Variants in PIGL observed in about 807,000 individuals in gnomAD.
PIGL encodes phosphatidylinositol glycan anchor biosynthesis class L, also known as N-acetylglucosaminyl-phosphatidylinositol de-N-acetylase.
Under a neutral mutation model 31.1 loss-of-function variants are expected in PIGL, and 22 were observed. The ratio of observed to expected loss-of-function variants is 0.71; its 90% CI spans 0.51 to 1.01. The LOEUF (loss-of-function observed/expected upper bound fraction) is 1.01, where lower values mean the gene tolerates loss of function less well. Among genes scored for constraint, PIGL ranks in the 50% least tolerant of loss-of-function variants. The pLI, the probability that PIGL is intolerant of heterozygous loss-of-function variation, is 0.00. For missense variants in PIGL, 302 were observed against 315.9 expected (o/e 0.96, Z 0.33); for synonymous variants, 131 against 117.4 (o/e 1.12, Z -0.75).
chr17:16,252,066 C>CTTTTT (rs66540057), intron 2 of PIGL, among the ~76,000 whole-genome samples: 4 of 123,816 alleles, frequency 3.2e-5, no homozygotes, highest in African/African-American at 1.3e-4. Context: ...TTTTTTTTTC[C>CTTTTT]TTTTTTTTTT....
intron 6 of PIGL, among the ~76,000 whole-genome samples, chr17:16,318,200 A>C (rs1489720094): frequency 6.6e-6 from 1 of 152,200 alleles, no homozygotes; most frequent in Non-Finnish European, 1.5e-5. Flanking sequence ...AGAAAATAAA[A>C]ATAAGAACAA....
rs2093126444 is a variant in PIGL at position 16,326,161 on chromosome 17, A to G, written c.*263A>G. On this transcript the variant is annotated 3_prime_UTR_variant, in exon 7 of 7. Transcript: ENST00000225609. Reference sequence around the variant, plus strand: ...GCTTCTCAAGTTCTTGTGAAAAACAATTTACATAATGACACAGTAGATGTG... The same window carrying G: ...GCTTCTCAAGTTCTTGTGAAAAACAGTTTACATAATGACACAGTAGATGTG... 1 of 445,458 alleles carries G rather than the reference A, an allele frequency of 2.2e-6. No homozygotes were observed. The highest frequency in any genetic ancestry group is 4.0e-6 in the Non-Finnish European group (1 of 249,676). The allele number at this position is 445,458 out of a possible 1,614,324, so 27.6% of individuals were successfully genotyped here.
At position 16,246,014 on chromosome 17, in the gene PIGL, G is replaced by A. The variant is rs551337177; in HGVS notation, c.335+11944G>A. Among the ~76,000 whole-genome samples the A allele has an allele frequency of 7.2e-3, 1,090 of 150,628 alleles. 13 individuals are homozygous for A. Among genetic ancestry groups the A allele is most frequent in the African/African-American group, 0.025 (1,049 of 41,158 alleles). The stretch of plus-strand genomic sequence containing the variant: ...TTATTTTTGTGTTTTTAGTAGAGAC[G>A]GGGTTTCACCATGTTAGCCAGGATG... On this transcript the variant is annotated intron_variant, in intron 2 of 6. Coordinates refer to ENST00000225609, the MANE Select transcript of PIGL (RefSeq NM_004278.4).
chr17:16,276,725 G>A (rs2092897436), intron 2 of PIGL, among the ~76,000 whole-genome samples: 1 of 152,184 alleles, frequency 6.6e-6, no homozygotes, highest in Non-Finnish European at 1.5e-5. Context: ...TGACAAGAGT[G>A]AGACTCCATC....
At chr17:16,320,930 T>C (rs180827168) in intron 6 of PIGL, among the ~76,000 whole-genome samples, 8,638 of 130,324 alleles carry the variant, frequency 0.066, 403 homozygotes, top group African/African-American at 0.14. Context: ...CCACTGTGCC[T>C]GGCCATTTTT....
chr17:16,233,060 G>T (rs995616699), intron 1 of PIGL, among the ~76,000 whole-genome samples: 3 of 151,570 alleles, frequency 2.0e-5, no homozygotes, highest in African/African-American at 7.3e-5. Context: ...GTTGCAGTGA[G>T]CCAAGATCGC....
At chr17:16,273,344 G>A (rs948108392) in intron 2 of PIGL, among the ~76,000 whole-genome samples, 1 of 152,212 alleles carries the variant, frequency 6.6e-6, no homozygotes, top group African/African-American at 2.4e-5. Flanking sequence ...GAGGGAATAT[G>A]ACAGAAGATC....
intron 1 of PIGL, among the ~76,000 whole-genome samples, chr17:16,231,371 A>G (rs1333947555): frequency 6.6e-6 from 1 of 151,138 alleles, no homozygotes; most frequent in Non-Finnish European, 1.5e-5. Flanking sequence ...AGTCAGTGGG[A>G]CTACAGGCGT....
chr17:16,258,139 AAGAGAGAG>A (rs143387730), intron 2 of PIGL, among the ~76,000 whole-genome samples: 1 of 99,380 alleles, frequency 1.0e-5, no homozygotes, highest in Non-Finnish European at 2.0e-5. Flanking sequence ...GAGAGAGAGA[AAGAGAGAG>A]AGAGAGAGAG....
chr17:16,319,041 G>T (rs1313440597), intron 6 of PIGL, among the ~76,000 whole-genome samples: 2 of 150,706 alleles, frequency 1.3e-5, no homozygotes, highest in African/African-American at 4.9e-5. Flanking sequence ...ACTGCTTGCT[G>T]GGCAACAGAG....
intron 2 of PIGL, among the ~76,000 whole-genome samples, chr17:16,251,730 C>T (rs1287376050): frequency 6.6e-6 from 1 of 151,008 alleles, no homozygotes; most frequent in African/African-American, 2.4e-5. Flanking sequence ...CTATTCAGTA[C>T]CTAGAATGAC....
chr17:16,307,068 T>G (rs958980758), intron 3 of PIGL, among the ~76,000 whole-genome samples: 1 of 152,208 alleles, frequency 6.6e-6, no homozygotes, highest in South Asian at 2.1e-4. Flanking sequence ...AGGGAGCTGC[T>G]CGGTTTTAAC....
intron 1 of PIGL, among the ~76,000 whole-genome samples, chr17:16,226,838 C>T (rs2092654269): frequency 6.6e-6 from 1 of 152,170 alleles, no homozygotes; most frequent in African/African-American, 2.4e-5. Flanking sequence ...CTGCTGCTCC[C>T]TTGACTTTAG....
chr17:16,240,469 C>T lies in PIGL; in HGVS notation c.335+6399C>T, dbSNP rs183606078. Among the ~76,000 whole-genome samples the T allele has an allele frequency of 2.2e-3, 341 of 152,142 alleles. 1 individual carries two copies. Among genetic ancestry groups the T allele is most frequent in the Non-Finnish European group, 3.4e-3 (233 of 68,012 alleles). On this transcript the variant is annotated intron_variant, in intron 2 of 6. Coordinates refer to ENST00000225609, the MANE Select transcript of PIGL (RefSeq NM_004278.4). ...CTGAGATTATGGATGTGAGCCACCACGCGCAGCCCCAGCCCCAAGGTTTTG... is the reference window on the plus strand; with the variant it reads ...CTGAGATTATGGATGTGAGCCACCATGCGCAGCCCCAGCCCCAAGGTTTTG...
chr17:16,293,493 A>C (rs2092969254), intron 2 of PIGL, among the ~76,000 whole-genome samples: 1 of 152,188 alleles, frequency 6.6e-6, no homozygotes, highest in African/African-American at 2.4e-5. Flanking sequence ...GCACCACTGC[A>C]CTCCAGCCTG....
chr17:16,245,624 C>T (rs151292229), intron 2 of PIGL, among the ~76,000 whole-genome samples: 205 of 147,064 alleles, frequency 1.4e-3, no homozygotes, highest in African/African-American at 4.9e-3. Flanking sequence ...AGGATGGTCT[C>T]GATCTCTTGA....
intron 2 of PIGL, among the ~76,000 whole-genome samples, chr17:16,292,236 G>A (rs2092964225): frequency 6.6e-6 from 1 of 151,754 alleles, no homozygotes; most frequent in Admixed American, 6.6e-5. Context: ...GCTTCACCGT[G>A]TTGGCCAGGC....
intron 2 of PIGL, among the ~76,000 whole-genome samples, chr17:16,287,207 T>C (rs2092942127): frequency 6.6e-6 from 1 of 152,072 alleles, no homozygotes; most frequent in East Asian, 1.9e-4. Flanking sequence ...ACACTGCTCC[T>C]CCTGCTGTCT....
chr17:16,319,988 A>G (rs945490253), intron 6 of PIGL, among the ~76,000 whole-genome samples: 3 of 151,496 alleles, frequency 2.0e-5, no homozygotes, highest in Admixed American at 6.6e-5. Context: ...GGGTAGCATA[A>G]CAAGTGAAAG....
Sources: gnomAD v4.1 joint callset for allele counts (sites outside exome capture counted in the v4.1 genomes callset) on GRCh38, gnomAD v4.1.1 for gene constraint, MANE v1.5 for transcripts, NCBI Gene and HGNC (gene_info 2026-07-23, HGNC 2026-07-21) for gene names.